The following KCNQ5 variants were observed in gnomAD, a reference collection of about 807,000 sequenced individuals.
KCNQ5 encodes potassium voltage-gated channel subfamily Q member 5.
Under a neutral mutation model 98.2 loss-of-function variants are expected in KCNQ5, and 30 were observed. That is an observed-to-expected ratio of 0.31 (90% confidence interval 0.23 to 0.41). The LOEUF is 0.41. Ranked by LOEUF, KCNQ5 falls within the 10% of genes least tolerant of loss-of-function variation. The pLI is 1.00. For missense variants in KCNQ5, 835 were observed against 1,182.5 expected (o/e 0.71, Z 4.31); for synonymous variants, 458 against 449.4 (o/e 1.02, Z -0.24).
intron 1 of KCNQ5, among the ~76,000 whole-genome samples, chr6:72,824,243 AATGGTCTTC>A (rs1159561552): frequency 1.2e-4 from 18 of 152,252 alleles, no homozygotes; most frequent in African/African-American, 4.3e-4. Context: ...GAGCAATATA[AATGGTCTTC>A]AGTTTTACCA....
intron 1 of KCNQ5, among the ~76,000 whole-genome samples, chr6:72,627,640 A>C (rs1304475339): frequency 6.6e-6 from 1 of 152,146 alleles, no homozygotes; most frequent in Non-Finnish European, 1.5e-5. Flanking sequence ...ACTTGGGAAA[A>C]TGGACCCAGT....
intron 11 of KCNQ5, among the ~76,000 whole-genome samples, chr6:73,181,291 C>A (rs1778396112): frequency 6.6e-6 from 1 of 152,206 alleles, no homozygotes; most frequent in East Asian, 1.9e-4. Flanking sequence ...CCAACAGCAT[C>A]AAAGGAGACT....
intron 3 of KCNQ5, chr6:73,055,741 T>C (rs780349543): frequency 3.8e-6 from 4 of 1,053,078 alleles, no homozygotes; most frequent in Non-Finnish European, 5.9e-6. Context: ...TCATTGTCTA[T>C]GAATTGGACA....
intron 3 of KCNQ5, among the ~76,000 whole-genome samples, chr6:73,072,235 A>G (rs1335895057): frequency 6.6e-6 from 1 of 152,184 alleles, no homozygotes; most frequent in African/African-American, 2.4e-5. Context: ...AGAAGTCAAG[A>G]TATACCCTCT....
Position 72,701,417 on chromosome 6 carries a change from T to C in KCNQ5, c.398+78830T>C, listed in dbSNP as rs553624724. ...AGAGCAAGAAGCAAATTTTATGATA[T>C]CGGTTTTGCAAATAAAATGTTGTCA... On this transcript the variant is annotated intron_variant, in intron 1 of 13. Transcript: ENST00000370398. Among the ~76,000 whole-genome samples, 407 of 152,270 alleles carry C rather than the reference T, an allele frequency of 2.7e-3. 2 individuals are homozygous for C. The highest frequency in any genetic ancestry group is 9.5e-3 in the African/African-American group (394 of 41,570).
chr6:72,663,117 T>C (rs1312379420), intron 1 of KCNQ5, among the ~76,000 whole-genome samples: 1 of 151,980 alleles, frequency 6.6e-6, no homozygotes, highest in Non-Finnish European at 1.5e-5. Flanking sequence ...GAGGGGAACA[T>C]TACACACCGG....
At chr6:72,627,396 C>G (rs762997190) in intron 1 of KCNQ5, among the ~76,000 whole-genome samples, 4 of 152,122 alleles carry the variant, frequency 2.6e-5, no homozygotes, top group Non-Finnish European at 5.9e-5. Flanking sequence ...TTTACAGCAA[C>G]CCAAAGGCCG....
intron 1 of KCNQ5, among the ~76,000 whole-genome samples, chr6:72,641,203 C>G (rs970654249): frequency 6.6e-6 from 1 of 151,992 alleles, no homozygotes; most frequent in African/African-American, 2.4e-5. Context: ...TGGTTTCTTT[C>G]CAGATATGAA....
At position 72,736,997 on chromosome 6, in the gene KCNQ5, G is replaced by A. The variant is rs939266195; in HGVS notation, c.398+114410G>A. On this transcript the variant is annotated intron_variant, in intron 1 of 13. Transcript: ENST00000370398. ...TTTGAGATGGAGTCTCACTCACTGC[G>A]TCGCCCAGGCTGGGGAACAGTGGCG... Among the ~76,000 whole-genome samples, 4 of 151,748 alleles carry A rather than the reference G, an allele frequency of 2.6e-5. 1 individual carries two copies. Among genetic ancestry groups the A allele is most frequent in the Non-Finnish European group, 2.9e-5 (2 of 67,998 alleles).
At chr6:72,958,245 C>T (rs1317823720) in intron 1 of KCNQ5, among the ~76,000 whole-genome samples, 1 of 152,180 alleles carries the variant, frequency 6.6e-6, no homozygotes. Flanking sequence ...GTGATAGCCT[C>T]CCCATCCCCA....
At position 73,114,151 on chromosome 6, in the gene KCNQ5, C is replaced by G. The variant is rs571099855; in HGVS notation, c.1125+2748C>G. On this transcript the variant is annotated intron_variant, in intron 7 of 13. Coordinates refer to ENST00000370398, the MANE Select transcript of KCNQ5 (RefSeq NM_019842.4). ...GTTCTTCCTTGCTATAGTCTTTAGA[C>G]AGAATTCAAGGCTTTAAGCCTTGAT... Among the ~76,000 whole-genome samples, 3 of 152,110 alleles carry G rather than the reference C, an allele frequency of 2.0e-5. 1 individual carries two copies. The South Asian group carries it at 6.2e-4, about 32-fold the overall frequency.
intron 1 of KCNQ5, among the ~76,000 whole-genome samples, chr6:72,833,087 T>G (rs1163978678): frequency 6.6e-6 from 1 of 152,180 alleles, no homozygotes; most frequent in East Asian, 1.9e-4. Context: ...AAGGGATGTC[T>G]AGTTGATTCA....
At chr6:72,823,197 G>T (rs957163793) in intron 1 of KCNQ5, among the ~76,000 whole-genome samples, 3 of 152,036 alleles carry the variant, frequency 2.0e-5, no homozygotes, top group African/African-American at 7.2e-5. Context: ...ATATTGCATT[G>T]AAAATAAACA....
chr6:72,776,270 C>A (rs886603112), intron 1 of KCNQ5, among the ~76,000 whole-genome samples: 5 of 152,030 alleles, frequency 3.3e-5, no homozygotes, highest in African/African-American at 9.7e-5. Context: ...GTTGCATAAC[C>A]CAATAGCCAT....
In KCNQ5 at chr6:72,754,733, G is replaced by A. The variant is rs571024484; in HGVS notation, c.398+132146G>A. Among the ~76,000 whole-genome samples, 17 of 152,106 alleles carry A rather than the reference G, an allele frequency of 1.1e-4. No homozygotes were observed. The South Asian group carries it at 3.5e-3, about 32-fold the overall frequency. ...TATGACCCAGAATATGACTATCTCG[G>A]TGAATGTTCAATGTACACATGAAAA... is the stretch of plus-strand genomic sequence containing the variant. On this transcript the variant is annotated intron_variant, in intron 1 of 13. Coordinates refer to ENST00000370398, the MANE Select transcript of KCNQ5 (RefSeq NM_019842.4).
chr6:72,945,991 T>C (rs1000233023), intron 1 of KCNQ5, among the ~76,000 whole-genome samples: 6 of 151,928 alleles, frequency 3.9e-5, no homozygotes, highest in African/African-American at 1.2e-4. Flanking sequence ...GGGAGAGCCA[T>C]GTAACTGTTC....
At chr6:72,958,402 G>A (rs1265575739) in intron 1 of KCNQ5, among the ~76,000 whole-genome samples, 1 of 152,160 alleles carries the variant, frequency 6.6e-6, no homozygotes, top group African/African-American at 2.4e-5. Context: ...TTCATGTGAG[G>A]TTTAATATCC....
chr6:72,986,444 A>G (rs1768782774), intron 1 of KCNQ5: 2 of 474,438 alleles, frequency 4.2e-6, no homozygotes, highest in Admixed American at 3.3e-5. Context: ...CAGAGACTCA[A>G]TACTCAATTT....
chr6:72,865,053 C>T (rs895541122), intron 1 of KCNQ5, among the ~76,000 whole-genome samples: 24 of 152,204 alleles, frequency 1.6e-4, no homozygotes, highest in African/African-American at 4.8e-4. Flanking sequence ...ACATCAGTTA[C>T]ATTTCTTCAT....
Sources: allele counts gnomAD v4.1 joint callset (sites outside exome capture counted in the v4.1 genomes callset), GRCh38; gene constraint gnomAD v4.1.1; transcripts MANE v1.5; gene names NCBI Gene and HGNC (gene_info 2026-07-23, HGNC 2026-07-21).